The following ZNF215 variants were observed in gnomAD, a reference collection of about 807,000 sequenced individuals.
ZNF215 encodes the protein zinc finger protein 215, also known as BWSCR2-associated zinc finger protein 2.
In ZNF215, 24 loss-of-function variants were observed where a neutral mutation model predicts 27.2. That is an observed-to-expected ratio of 0.88 (90% confidence interval 0.64 to 1.24). The LOEUF (loss-of-function observed/expected upper bound fraction) is 1.24, where lower values mean the gene tolerates loss of function less well. ZNF215 is among the 50% of genes most tolerant of loss of function. The probability of loss-of-function intolerance (pLI) is 0.00; values close to 1 mark genes in which losing one functional copy is unlikely to be tolerated. For missense variants in ZNF215, 675 were observed against 605.7 expected, an observed-to-expected ratio of 1.11 and a Z score of -1.20; for synonymous variants, 210 against 204.0, an observed-to-expected ratio of 1.03 and a Z score of -0.25.
In ZNF215 at chr11:6,956,492, TG is replaced by T. The variant is rs1408305791; in HGVS notation, c.1516del (p.Val506LeufsTer68). The T allele has an allele frequency of 6.2e-7, 1 of 1,604,166 alleles. No individual in the cohort carries two copies. The highest frequency in any genetic ancestry group is 8.5e-7 in the Non-Finnish European group (1 of 1,177,074). On this transcript the variant is annotated frameshift_variant, in exon 7 of 7. Transcript: ENST00000278319. LOFTEE classifies it low-confidence loss of function (END_TRUNC). ...AAGCCTTCAACAGGAGTTCAAACCT[TG>T]TTAAACATCAAAAACTGCATACTCG... ...SKAFNRSSNL[V>X]KHQKLHTRDK...
intron 6 of ZNF215, among the ~76,000 whole-genome samples, chr11:6,943,911 G>C (rs552283961): frequency 5.4e-5 from 8 of 148,494 alleles, no homozygotes; most frequent in African/African-American, 2.0e-4. Flanking sequence ...GTAACATAGA[G>C]TTAATAATAG....
chr11:6,958,463 G>GT, downstream of ZNF215, among the ~76,000 whole-genome samples: 1 of 152,232 alleles, frequency 6.6e-6, no homozygotes, highest in East Asian at 1.9e-4. Context: ...ACATAACATA[G>GT]TTTCAAATAA....
At chr11:6,981,465 C>T (rs11041120) in intron 5 of ZNF215, among the ~76,000 whole-genome samples, 52,834 of 151,656 alleles carry the variant, frequency 0.35, 9,961 homozygotes, top group African/African-American at 0.49. Flanking sequence ...TTGTTTGTTT[C>T]TTCTTGTAAA....
chr11:6,979,891 C>A (rs937849986), intron 5 of ZNF215, among the ~76,000 whole-genome samples: 1 of 152,060 alleles, frequency 6.6e-6, no homozygotes, highest in Admixed American at 6.6e-5. Context: ...GATAGACTTA[C>A]AGATGTAAAA....
chr11:6,960,249 A>C (rs1040905864), downstream of ZNF215, among the ~76,000 whole-genome samples: 1 of 152,174 alleles, frequency 6.6e-6, no homozygotes, highest in African/African-American at 2.4e-5. Context: ...TGGAGGGCCA[A>C]CTTGACAATA....
At position 6,957,880 on chromosome 11, in the gene ZNF215, A is replaced by G. The variant is rs1340525386; in HGVS notation, c.*1349A>G. 5 of 985,284 alleles carry G rather than the reference A, an allele frequency of 5.1e-6. No individual in the cohort carries two copies. Among genetic ancestry groups the G allele is most frequent in the Non-Finnish European group, 6.0e-6 (5 of 829,926 alleles). 61.0% of individuals were successfully genotyped at this position (985,284 alleles called of 1,614,324 possible). A position where few individuals can be genotyped will look rare whatever the true frequency, so the allele number is the denominator to read the frequency against. On this transcript the variant is annotated 3_prime_UTR_variant, in exon 7 of 7. Coordinates refer to ENST00000278319, the MANE Select transcript of ZNF215 (RefSeq NM_013250.4). ...CTTCTGTAAACTACCTCAGGATCCC[A>G]TCTGGTTCTTGAGCCAAGAAGTATG...
At chr11:6,980,899 G>A (rs1850937677) in intron 5 of ZNF215, among the ~76,000 whole-genome samples, 1 of 150,996 alleles carries the variant, frequency 6.6e-6, no homozygotes, top group Non-Finnish European at 1.5e-5. Context: ...TGAAAATGAT[G>A]ATTTCCAATT....
chr11:6,976,636 C>T (rs1850839738), intron 5 of ZNF215, among the ~76,000 whole-genome samples: 1 of 152,008 alleles, frequency 6.6e-6, no homozygotes, highest in Non-Finnish European at 1.5e-5. Flanking sequence ...ATTGCTTCCT[C>T]TCTGACTAGC....
At chr11:6,964,807 A>G (rs930930893) in intron 5 of ZNF215, among the ~76,000 whole-genome samples, 1 of 151,912 alleles carries the variant, frequency 6.6e-6, no homozygotes, top group African/African-American at 2.4e-5. Flanking sequence ...GTTGCATTAA[A>G]TCTAAAGATC....
intron 5 of ZNF215, among the ~76,000 whole-genome samples, chr11:6,974,800 G>A (rs1313366574): frequency 6.6e-5 from 10 of 151,038 alleles, no homozygotes; most frequent in African/African-American, 9.7e-5. Flanking sequence ...GGGCTGAGAC[G>A]ATGGGGTTTT....
At chr11:6,958,791 G>T (rs1043368926), downstream of ZNF215, among the ~76,000 whole-genome samples, 10 of 152,174 alleles carry the variant, frequency 6.6e-5, no homozygotes, top group Admixed American at 4.6e-4. Flanking sequence ...GTCTGTGGTT[G>T]AAGGTCCAAG....
downstream of ZNF215, among the ~76,000 whole-genome samples, chr11:6,958,369 T>A (rs1850446887): frequency 6.6e-6 from 1 of 152,234 alleles, no homozygotes; most frequent in Non-Finnish European, 1.5e-5. Context: ...CAACTAGCTA[T>A]TTGAGCCTAA....
chr11:6,941,798 A>C, intron 4 of ZNF215, 145 bp downstream of exon 4: 2 of 749,698 alleles, frequency 2.7e-6, no homozygotes, highest in Non-Finnish European at 4.3e-6. Context: ...CACTGGACCT[A>C]TTTTAGTTGG....
intron 5 of ZNF215, among the ~76,000 whole-genome samples, chr11:6,978,711 G>C (rs1425424646): frequency 1.3e-5 from 2 of 151,720 alleles, no homozygotes; most frequent in African/African-American, 4.8e-5. Context: ...TTGAAGTCAG[G>C]AGTTCAAGAC....
chr11:6,957,489 GGGTAAA>G lies in ZNF215; in HGVS notation c.*959_*964del, dbSNP rs147894591. 0.04 allele frequency: 6,326 copies of G among 158,132 alleles called. 433 individuals are homozygous for G. The highest frequency in any genetic ancestry group is 0.14 in the African/African-American group (6,024 of 41,602). The allele number at this position is 158,132 out of a possible 1,614,324, so 9.8% of individuals were successfully genotyped here. ...CCCATGGCCCTGTACTGGAATAACA[GGGTAAA>G]TAATTATCTTATCTGTTTTTATTAA... On this transcript the variant is annotated 3_prime_UTR_variant, in exon 7 of 7. Transcript: ENST00000278319.
chr11:6,937,280 T>G (rs1564947590), intron 3 of ZNF215, among the ~76,000 whole-genome samples: 1 of 151,952 alleles, frequency 6.6e-6, no homozygotes, highest in Non-Finnish European at 1.5e-5. Flanking sequence ...GAACAACCCT[T>G]AAAAGAAACC....
At position 6,950,471 on chromosome 11, in the gene ZNF215, G is replaced by C. The variant is rs1850010012; in HGVS notation, c.713-5219G>C. On this transcript the variant is annotated intron_variant, in intron 6 of 6. Transcript: ENST00000278319. ...ACGTCCCTTGTAAAGTGGATTCCTA[G>C]GTATTTTATTCTCTTTGAAGCAATT... Among the ~76,000 whole-genome samples the C allele has an allele frequency of 1.3e-5, 2 of 152,056 alleles. 1 individual carries two copies. The highest frequency in any genetic ancestry group is 4.1e-4 in the South Asian group (2 of 4,826).
At chr11:6,936,138 A>G (rs1431440924) in intron 3 of ZNF215, among the ~76,000 whole-genome samples, 2 of 152,086 alleles carry the variant, frequency 1.3e-5, no homozygotes, top group Non-Finnish European at 1.5e-5. Context: ...CAGATGAAGA[A>G]AGAAAATAAA....
downstream of ZNF215, among the ~76,000 whole-genome samples, chr11:6,987,458 C>T (rs1851071424): frequency 6.6e-6 from 1 of 152,116 alleles, no homozygotes; most frequent in African/African-American, 2.4e-5. Flanking sequence ...AATTTGTGCT[C>T]CAAACTTCAG....
Sources: gnomAD v4.1 joint callset for allele counts (sites outside exome capture counted in the v4.1 genomes callset) on GRCh38, gnomAD v4.1.1 for gene constraint, MANE v1.5 for transcripts, NCBI Gene and HGNC (gene_info 2026-07-23, HGNC 2026-07-21) for gene names.